Variants in PCCB observed in about 807,000 individuals in gnomAD.
The protein encoded by PCCB is propionyl-CoA carboxylase beta chain, mitochondrial.
Under a neutral mutation model 60.7 loss-of-function variants are expected in PCCB, and 43 were observed. The observed-to-expected ratio is 0.71, with a 90% CI of 0.55 to 0.91. The LOEUF is 0.91. Ranked by LOEUF, PCCB falls within the 40% of genes least tolerant of loss-of-function variation. The pLI is 0.00. For synonymous variants in PCCB, 276 were observed against 255.9 expected, an observed-to-expected ratio of 1.08 and a Z score of -0.75; for missense variants, 766 against 702.8, an observed-to-expected ratio of 1.09 and a Z score of -1.02.
chr3:136,251,656 G>T (rs1474792244), intron 1 of PCCB, among the ~76,000 whole-genome samples: 1 of 152,116 alleles, frequency 6.6e-6, no homozygotes, highest in Non-Finnish European at 1.5e-5. Flanking sequence ...AACCTACTCT[G>T]TTAGGGCTGA....
At chr3:136,266,664 C>T (rs1432969362) in intron 5 of PCCB, among the ~76,000 whole-genome samples, 5 of 152,178 alleles carry the variant, frequency 3.3e-5, no homozygotes, top group African/African-American at 1.2e-4. Flanking sequence ...TCTCAGATGA[C>T]TAATCATGTT....
intron 8 of PCCB, among the ~76,000 whole-genome samples, chr3:136,298,764 T>C (rs1367149884): frequency 1.3e-5 from 2 of 152,226 alleles, no homozygotes; most frequent in East Asian, 3.8e-4. Flanking sequence ...CGTTCCATTT[T>C]ATTTCCTCTC....
chr3:136,290,553 G>A (rs1184827452), intron 6 of PCCB, among the ~76,000 whole-genome samples: 1 of 150,484 alleles, frequency 6.6e-6, no homozygotes, highest in East Asian at 1.9e-4. Flanking sequence ...AGAGATGGGG[G>A]TCTCCCTGTG....
chr3:136,271,963 C>T (rs1463232392), intron 5 of PCCB, among the ~76,000 whole-genome samples: 1 of 152,144 alleles, frequency 6.6e-6, no homozygotes, highest in Non-Finnish European at 1.5e-5. Flanking sequence ...ATGCTTTCAA[C>T]TTTTCCCCAT....
intron 4 of PCCB, among the ~76,000 whole-genome samples, chr3:136,261,012 A>G (rs557735510): frequency 9.8e-5 from 15 of 152,342 alleles, no homozygotes; most frequent in African/African-American, 3.6e-4. Flanking sequence ...ATCAATAATG[A>G]AGAGAAATGT....
At chr3:136,298,518 C>T (rs761679655) in intron 8 of PCCB, among the ~76,000 whole-genome samples, 6 of 152,076 alleles carry the variant, frequency 3.9e-5, no homozygotes, top group Non-Finnish European at 7.4e-5. Context: ...TTCCTGGGCT[C>T]TACCTAGTTG....
At chr3:136,266,618 G>T (rs1036997483) in intron 5 of PCCB, among the ~76,000 whole-genome samples, 2 of 152,020 alleles carry the variant, frequency 1.3e-5, no homozygotes, top group African/African-American at 4.8e-5. Context: ...TTTTAGTGGT[G>T]TGTAATGGTA....
Position 136,313,821 on chromosome 3 carries a change from G to C in PCCB, c.967-3120G>C, listed in dbSNP as rs1934767193. ...TTTTTGTAGCTAAGTTAGCAGTTCTGAAACCATTTTCTCTGTATTTGAGGA... is the reference window on the plus strand; with the variant it reads ...TTTTTGTAGCTAAGTTAGCAGTTCTCAAACCATTTTCTCTGTATTTGAGGA... On this transcript the variant is annotated intron_variant, in intron 9 of 14. Transcript: ENST00000251654. Among the ~76,000 whole-genome samples, 3 of 152,110 alleles carry C rather than the reference G, an allele frequency of 2.0e-5. No individual in the cohort carries two copies. The South Asian group carries it at 6.2e-4, about 32-fold the overall frequency.
Position 136,324,505 on chromosome 3 carries a change from C to T in PCCB, c.1091-2298C>T, listed in dbSNP as rs78722348. ...TTTCCCCTCTCAGATCTTTTCTGAT[C>T]GTGTATCTCATCCTAGGCATACATG... is the stretch of plus-strand genomic sequence containing the variant. On this transcript the variant is annotated intron_variant, in intron 10 of 14. Coordinates refer to ENST00000251654, the MANE Select transcript of PCCB (RefSeq NM_000532.5). 5.3e-5 allele frequency among the ~76,000 whole-genome samples: 8 copies of T among 152,264 alleles called. No homozygotes were observed. The East Asian group carries it at 9.6e-4, about 18-fold the overall frequency.
intron 9 of PCCB, among the ~76,000 whole-genome samples, chr3:136,310,510 A>G (rs1478107585): frequency 1.3e-5 from 2 of 152,336 alleles, no homozygotes; most frequent in African/African-American, 4.8e-5. Flanking sequence ...TGACAGAGCA[A>G]GACTCTGTCT....
At chr3:136,276,634 T>G (rs1387288800) in intron 5 of PCCB, among the ~76,000 whole-genome samples, 1 of 152,196 alleles carries the variant, frequency 6.6e-6, no homozygotes, top group Non-Finnish European at 1.5e-5. Context: ...TCTGTAGTGT[T>G]CCAGGAAGGC....
chr3:136,273,661 T>C (rs1186537205), intron 5 of PCCB, among the ~76,000 whole-genome samples: 1 of 139,612 alleles, frequency 7.2e-6, no homozygotes, highest in African/African-American at 2.6e-5. Context: ...GATATAAGAA[T>C]AGCTACTTTG....
At chr3:136,268,692 G>C (rs1431933905) in intron 5 of PCCB, among the ~76,000 whole-genome samples, 1 of 152,020 alleles carries the variant, frequency 6.6e-6, no homozygotes. Flanking sequence ...TTGAACACCT[G>C]ATCTCAGGTG....
chr3:136,294,320 C>CT (rs149526731), intron 7 of PCCB, among the ~76,000 whole-genome samples: 7,293 of 151,114 alleles, frequency 0.048, 232 homozygotes, highest in Non-Finnish European at 0.074. Flanking sequence ...TTGTTAACTT[C>CT]TTTTTTTTTG....
At chr3:136,328,487 A>G (rs889166511) in intron 13 of PCCB, among the ~76,000 whole-genome samples, 3 of 152,212 alleles carry the variant, frequency 2.0e-5, no homozygotes, top group African/African-American at 4.8e-5. Flanking sequence ...AGATGGTAGA[A>G]TGGGCTCTGG....
intron 5 of PCCB, among the ~76,000 whole-genome samples, chr3:136,264,440 G>GTGTGTGTGTATATATATATA: frequency 8.1e-6 from 1 of 123,782 alleles, no homozygotes; most frequent in African/African-American, 3.0e-5. Flanking sequence ...ATGTGTGTGT[G>GTGTGTGTGTATATATATATA]TATATATGTA....
Position 136,263,977 on chromosome 3 carries a change from A to T in PCCB, c.543+1912A>T, listed in dbSNP as rs1941898792. Among the ~76,000 whole-genome samples the T allele has an allele frequency of 2.0e-5, 3 of 151,018 alleles. No homozygotes were observed. In the Admixed American group the frequency reaches 2.0e-4, roughly 10 times the overall value. On this transcript the variant is annotated intron_variant, in intron 5 of 14. Coordinates refer to ENST00000251654, the MANE Select transcript of PCCB (RefSeq NM_000532.5). ...CAGTGAGCCAAGATTGTGCCATTGC[A>T]CTCCAACCTGGGTGACAGAGCAAGA...
At chr3:136,256,087 C>G (rs1941665297) in intron 2 of PCCB, 112 bp downstream of exon 2, 1 of 1,445,382 alleles carries the variant, frequency 6.9e-7, no homozygotes, top group Non-Finnish European at 9.6e-7. Context: ...TGCAGAGGCA[C>G]TGCAGACATC....
intron 1 of PCCB, chr3:136,252,311 G>A (rs1399929608): frequency 4.4e-6 from 2 of 454,738 alleles, no homozygotes; most frequent in South Asian, 3.1e-5. Context: ...AGGCTAGAGT[G>A]CAGCAGCTCA....
Sources: gnomAD v4.1 joint callset for allele counts (sites outside exome capture counted in the v4.1 genomes callset) on GRCh38, gnomAD v4.1.1 for gene constraint, MANE v1.5 for transcripts, NCBI Gene and HGNC (gene_info 2026-07-23, HGNC 2026-07-21) for gene names.